Variants in FARP1 observed in about 807,000 individuals in gnomAD.
FARP1 encodes the protein FERM, ARH/RhoGEF and pleckstrin domain protein 1.
A neutral mutation model predicts 128.8 loss-of-function variants in FARP1; 52 were observed. The ratio of observed to expected loss-of-function variants is 0.40; its 90% confidence interval spans 0.32 to 0.51. The LOEUF (loss-of-function observed/expected upper bound fraction) is 0.51, where lower values mean the gene tolerates loss of function less well. Ranked by LOEUF, FARP1 falls within the 20% of genes least tolerant of loss-of-function variation. The pLI is 0.45. For missense variants in FARP1, 1,333 were observed against 1,367.9 expected (o/e 0.97, Z 0.40); for synonymous variants, 580 against 551.8 (o/e 1.05, Z -0.72).
intron 8 of FARP1, 56 bp from the exon 9 acceptor site, chr13:98,388,327 C>A: frequency 7.3e-7 from 1 of 1,363,834 alleles, no homozygotes; most frequent in Non-Finnish European, 1.0e-6. Flanking sequence ...AACAGACCAA[C>A]TCCCAAGTTG....
rs543026200 is a variant in FARP1 at position 98,264,113 on chromosome 13, G to A, written c.171+50700G>A. On this transcript the variant is annotated intron_variant, in intron 2 of 26. Transcript: ENST00000319562. ...ACAGAGCTTTGGGTCATCTACCTCT[G>A]CCCTAATGTGCTAACCTGCAAAACG... is the stretch of plus-strand genomic sequence containing the variant. 2.6e-5 allele frequency among the ~76,000 whole-genome samples: 4 copies of A among 152,286 alleles called. No homozygotes were observed. In the South Asian group the frequency reaches 8.3e-4, roughly 32 times the overall value.
At chr13:98,226,806 T>G (rs1413562464) in intron 2 of FARP1, among the ~76,000 whole-genome samples, 2 of 152,176 alleles carry the variant, frequency 1.3e-5, no homozygotes, top group African/African-American at 2.4e-5. Context: ...ATTGGTTTTT[T>G]TTGTTGTTGT....
intron 2 of FARP1, chr13:98,340,703 A>G (rs566976304): frequency 1.3e-5 from 2 of 152,186 alleles, no homozygotes; most frequent in South Asian, 2.1e-4. Flanking sequence ...GACCCCGAAT[A>G]AGTTGCTGTG....
intron 13 of FARP1, chr13:98,399,682 C>T (rs1890686204): frequency 6.6e-6 from 1 of 152,204 alleles, no homozygotes; most frequent in South Asian, 2.1e-4. Flanking sequence ...ATACCAGCCA[C>T]TCACTGGCTG....
chr13:98,363,158 G>A (rs775033574), intron 3 of FARP1, among the ~76,000 whole-genome samples: 12 of 152,126 alleles, frequency 7.9e-5, no homozygotes, highest in Non-Finnish European at 1.2e-4. Context: ...AGGACCAAGC[G>A]TCTGAATGTG....
At chr13:98,417,753 C>G (rs1215518837) in intron 16 of FARP1, among the ~76,000 whole-genome samples, 1 of 152,146 alleles carries the variant, frequency 6.6e-6, no homozygotes. Context: ...TGCCGTGATG[C>G]TAGGTGGCTG....
Position 98,202,442 on chromosome 13 carries a change from ACTT to A in FARP1, c.-23-10771_-23-10769del, listed in dbSNP as rs959792995. On this transcript the variant is annotated intron_variant, in intron 1 of 26. Coordinates refer to ENST00000319562, the MANE Select transcript of FARP1 (RefSeq NM_005766.4). ...GGCTTCCTGCAGCTCTGCCACTTGG[ACTT>A]CTTCTTTGAATAACACGTTTCTGTG... 1.1e-4 allele frequency among the ~76,000 whole-genome samples: 16 copies of A among 152,284 alleles called. No individual in the cohort carries two copies. The East Asian group carries it at 1.2e-3, about 11-fold the overall frequency.
intron 1 of FARP1, among the ~76,000 whole-genome samples, chr13:98,156,669 A>G (rs969561315): frequency 1.3e-5 from 2 of 151,952 alleles, no homozygotes; most frequent in African/African-American, 4.8e-5. Flanking sequence ...CAGCCTCCCA[A>G]AGTTATAGGA....
At position 98,452,906 on chromosome 13, in the gene FARP1, A is replaced by G. The variant is rs186790612; in HGVS notation, c.*4589A>G. 5.2e-6 allele frequency: 2 copies of G among 386,944 alleles called. No individual in the cohort carries two copies. The highest frequency in any genetic ancestry group is 2.1e-5 in the African/African-American group (1 of 48,124). 24.0% of individuals were successfully genotyped at this position (386,944 alleles called of 1,614,324 possible). ...AAAGACACTTTCCTGGAATATGTGC[A>G]CTATGGTTAAAATTAAAAACAAAAG... is the stretch of plus-strand genomic sequence containing the variant. On this transcript the variant is annotated 3_prime_UTR_variant, in exon 27 of 27. Transcript: ENST00000319562.
intron 2 of FARP1, among the ~76,000 whole-genome samples, chr13:98,295,682 T>C: frequency 6.6e-6 from 1 of 152,180 alleles, no homozygotes; most frequent in East Asian, 1.9e-4. Context: ...CATTTGGAAT[T>C]TTCTTCCCAG....
intron 1 of FARP1, among the ~76,000 whole-genome samples, chr13:98,160,854 T>C (rs888020878): frequency 3.3e-5 from 5 of 151,884 alleles, no homozygotes; most frequent in Non-Finnish European, 7.4e-5. Context: ...GTTTTTTGTA[T>C]TTTTAGTAGA....
chr13:98,309,152 C>CT (rs1886325642), intron 2 of FARP1, among the ~76,000 whole-genome samples: 2 of 106,190 alleles, frequency 1.9e-5, no homozygotes, highest in South Asian at 3.0e-4. Flanking sequence ...TTTTAAGAGG[C>CT]CTTTTTTTTT....
chr13:98,164,376 C>T (rs1034116002), intron 1 of FARP1, among the ~76,000 whole-genome samples: 2 of 152,148 alleles, frequency 1.3e-5, no homozygotes, highest in Non-Finnish European at 2.9e-5. Flanking sequence ...CATTTTAGTT[C>T]TAGTCTGAAA....
At chr13:98,212,057 A>G (rs1199548832) in intron 1 of FARP1, among the ~76,000 whole-genome samples, 1 of 152,096 alleles carries the variant, frequency 6.6e-6, no homozygotes, top group African/African-American at 2.4e-5. Flanking sequence ...AGGATGTGAC[A>G]TTTGTTTTCG....
intron 2 of FARP1, among the ~76,000 whole-genome samples, chr13:98,279,130 C>A (rs1203220400): frequency 6.6e-6 from 1 of 151,992 alleles, no homozygotes; most frequent in Non-Finnish European, 1.5e-5. Context: ...CCAACGTGCC[C>A]GGCCCATTTT....
chr13:98,363,378 T>C (rs1040182375), intron 3 of FARP1, among the ~76,000 whole-genome samples: 1 of 152,200 alleles, frequency 6.6e-6, no homozygotes, highest in Admixed American at 6.5e-5. Context: ...ATATAGAATT[T>C]TCTGCATATT....
chr13:98,182,437 T>C (rs1340190929), intron 1 of FARP1, among the ~76,000 whole-genome samples: 3 of 152,162 alleles, frequency 2.0e-5, no homozygotes, highest in African/African-American at 7.2e-5. Context: ...GTGATCCTCC[T>C]ATCTCAGCCT....
intron 2 of FARP1, among the ~76,000 whole-genome samples, chr13:98,224,603 G>C (rs1412127390): frequency 6.6e-6 from 1 of 151,634 alleles, no homozygotes; most frequent in Non-Finnish European, 1.5e-5. Context: ...GTGCTGGAGG[G>C]GCAGGTGAAA....
Position 98,382,883 on chromosome 13 carries a change from C to T in FARP1, c.497-1847C>T, listed in dbSNP as rs144002924. Among the ~76,000 whole-genome samples, 705 of 152,280 alleles carry T rather than the reference C, an allele frequency of 4.6e-3. 5 individuals are homozygous for T. The highest frequency in any genetic ancestry group is 0.016 in the African/African-American group (656 of 41,540). On this transcript the variant is annotated intron_variant, in intron 6 of 26. Coordinates refer to ENST00000319562, the MANE Select transcript of FARP1 (RefSeq NM_005766.4). Reference sequence around the variant, plus strand: ...AAGCGCTGTCTGTCTTGTGTCCCCGCGTGCAGTGCTATCTGCCTGATAGAG... The same window carrying T: ...AAGCGCTGTCTGTCTTGTGTCCCCGTGTGCAGTGCTATCTGCCTGATAGAG...
Sources: gnomAD v4.1 joint callset for allele counts (sites outside exome capture counted in the v4.1 genomes callset) on GRCh38, gnomAD v4.1.1 for gene constraint, MANE v1.5 for transcripts, NCBI Gene and HGNC (gene_info 2026-07-23, HGNC 2026-07-21) for gene names.